RFTN2: variants seen among roughly 807,000 people sequenced by gnomAD.
RFTN2 encodes the protein raftlin family member 2.
RFTN2 carries 34 observed loss-of-function variants against 52.7 expected under a neutral mutation model. The ratio of observed to expected loss-of-function variants is 0.64; its 90% CI spans 0.49 to 0.86. The LOEUF (loss-of-function observed/expected upper bound fraction) is 0.86. Ranked by LOEUF, RFTN2 falls within the 40% of genes least tolerant of loss-of-function variation. RFTN2 has a pLI of 0.00. For synonymous variants in RFTN2, 203 were observed against 217.7 expected (o/e 0.93, Z 0.59); for missense variants, 536 against 600.1 (o/e 0.89, Z 1.12).
chr2:197,585,849 C>T (rs1384474974), intron 8 of RFTN2, among the ~76,000 whole-genome samples: 1 of 152,076 alleles, frequency 6.6e-6, no homozygotes, highest in Non-Finnish European at 1.5e-5. Context: ...TGCCGCCCTC[C>T]TCCGCACTTA....
chr2:197,617,741 A>G (rs201768709), intron 6 of RFTN2, 59 bp downstream of exon 6: 3 of 583,196 alleles, frequency 5.1e-6, no homozygotes, highest in Non-Finnish European at 7.2e-6. Context: ...AAACATATAT[A>G]TATATTATAT....
Position 197,576,008 on chromosome 2 carries a change from G to A in RFTN2, c.1234-3728C>T, listed in dbSNP as rs894922537. Among the ~76,000 whole-genome samples, 3 of 150,568 alleles carry A rather than the reference G, an allele frequency of 2.0e-5. No individual in the cohort carries two copies. The East Asian group carries it at 5.8e-4, about 29-fold the overall frequency. On this transcript the variant is annotated intron_variant, in intron 8 of 8. Transcript: ENST00000295049. ...CTCCTGATGAGATTTCATTATAGGA[G>A]CCTTTTTTTGTTGTTGTTGAGACAG...
intron 8 of RFTN2, among the ~76,000 whole-genome samples, chr2:197,576,420 A>T (rs2087421890): frequency 6.6e-6 from 1 of 152,232 alleles, no homozygotes. Flanking sequence ...AGATTTAAAG[A>T]TACATTTAAA....
At chr2:197,596,139 C>T (rs2087791769) in intron 7 of RFTN2, 70 bp from the exon 8 acceptor site, 1 of 844,672 alleles carries the variant, frequency 1.2e-6, no homozygotes, top group African/African-American at 1.7e-5. Flanking sequence ...TTGGCTAGAA[C>T]ATTCCATATG....
chr2:197,604,387 G>A (rs2087926320), intron 7 of RFTN2, among the ~76,000 whole-genome samples: 2 of 152,182 alleles, frequency 1.3e-5, no homozygotes, highest in South Asian at 4.1e-4. Context: ...ATACATAGTA[G>A]AATGAATAAA....
At chr2:197,665,392 A>C (rs751761095) in intron 1 of RFTN2, among the ~76,000 whole-genome samples, 10 of 151,878 alleles carry the variant, frequency 6.6e-5, no homozygotes, top group Admixed American at 2.0e-4. Context: ...ATTGAAGTCT[A>C]TCTCTCTCTT....
chr2:197,582,631 A>G (rs1041247404), intron 8 of RFTN2, among the ~76,000 whole-genome samples: 2 of 152,210 alleles, frequency 1.3e-5, no homozygotes, highest in African/African-American at 4.8e-5. Context: ...CAAAGGGACA[A>G]TGCATCAATA....
At chr2:197,631,298 G>T (rs981403027) in intron 4 of RFTN2, 78 bp from the exon 5 acceptor site, 1 of 1,001,626 alleles carries the variant, frequency 1.0e-6, no homozygotes, top group African/African-American at 1.6e-5. Flanking sequence ...CACTAATCAT[G>T]AGATATTCCA....
chr2:197,635,493 A>G (rs1487043327), intron 3 of RFTN2, among the ~76,000 whole-genome samples: 2 of 151,808 alleles, frequency 1.3e-5, no homozygotes, highest in East Asian at 1.9e-4. Context: ...GCCAGTGATG[A>G]TGAGCATTTT....
intron 7 of RFTN2, among the ~76,000 whole-genome samples, chr2:197,597,761 G>A (rs1421950578): frequency 5.3e-5 from 8 of 152,168 alleles, no homozygotes; most frequent in East Asian, 3.9e-4. Context: ...CAGGTGATCC[G>A]CCTGCCTTGG....
intron 3 of RFTN2, among the ~76,000 whole-genome samples, chr2:197,640,450 T>C (rs1273389326): frequency 3.9e-5 from 6 of 152,268 alleles, no homozygotes; most frequent in Admixed American, 3.3e-4. Flanking sequence ...CGCCGTTTTT[T>C]AAGCCGGTCC....
At chr2:197,592,128 G>A (rs1424662781) in intron 8 of RFTN2, among the ~76,000 whole-genome samples, 1 of 152,206 alleles carries the variant, frequency 6.6e-6, no homozygotes, top group African/African-American at 2.4e-5. Context: ...CTCAATAACA[G>A]TACTGTTCTG....
chr2:197,615,482 AC>A (rs1413960861), intron 7 of RFTN2, among the ~76,000 whole-genome samples: 4 of 152,370 alleles, frequency 2.6e-5, no homozygotes, highest in African/African-American at 9.6e-5. Flanking sequence ...GTTAGTACTT[AC>A]AAAATATTGG....
At chr2:197,575,820 A>ATTCTATATATTTTATATACATAATATATC (rs2087404012) in intron 8 of RFTN2, among the ~76,000 whole-genome samples, 2 of 104,092 alleles carry the variant, frequency 1.9e-5, no homozygotes, top group Non-Finnish European at 4.2e-5. Flanking sequence ...CATAATATAT[A>ATTCTATATATTTTATATACATAATATATC]TTCTATATAT....
chr2:197,630,929 CT>C, intron 5 of RFTN2, 81 bp downstream of exon 5: 2 of 897,308 alleles, frequency 2.2e-6, no homozygotes, highest in Non-Finnish European at 3.6e-6. Context: ...AGCCATAGAA[CT>C]TGAGAGGTAA....
chr2:197,589,428 G>C (rs2087660627), intron 8 of RFTN2, among the ~76,000 whole-genome samples: 1 of 151,972 alleles, frequency 6.6e-6, no homozygotes, highest in Non-Finnish European at 1.5e-5. Context: ...GTCTTTATCA[G>C]CTGCGTGAAA....
intron 4 of RFTN2, 117 bp downstream of exon 4, chr2:197,633,601 C>T (rs1362161647): frequency 1.2e-6 from 1 of 805,002 alleles, no homozygotes. Context: ...TTTATTAGTT[C>T]ATTTAGTCAT....
chr2:197,631,351 T>G lies in RFTN2; in HGVS notation c.719-131A>C, dbSNP rs2088466688. 4 of 722,092 alleles carry G rather than the reference T, an allele frequency of 5.5e-6. No individual in the cohort carries two copies. The Admixed American group carries it at 9.8e-5, about 18-fold the overall frequency. 44.7% of individuals were successfully genotyped at this position (722,092 alleles called of 1,614,324 possible). On this transcript the variant is annotated intron_variant, in intron 4 of 8. Coordinates refer to ENST00000295049, the MANE Select transcript of RFTN2 (RefSeq NM_144629.3). ...TCAGCTTAATCAAATGTCAATAATATGCTATATTTGTTTCAGACTATTTTT... is the reference window on the plus strand; with the variant it reads ...TCAGCTTAATCAAATGTCAATAATAGGCTATATTTGTTTCAGACTATTTTT...
At chr2:197,625,117 T>C (rs970695429) in intron 5 of RFTN2, among the ~76,000 whole-genome samples, 3 of 152,166 alleles carry the variant, frequency 2.0e-5, no homozygotes, top group Non-Finnish European at 4.4e-5. Flanking sequence ...CCCAAAGTAC[T>C]GGGACTACAG....
Sources: gnomAD v4.1 joint callset for allele counts (sites outside exome capture counted in the v4.1 genomes callset) on GRCh38, gnomAD v4.1.1 for gene constraint, MANE v1.5 for transcripts, NCBI Gene and HGNC (gene_info 2026-07-23, HGNC 2026-07-21) for gene names.